The following SLC35F3 variants were observed in gnomAD, a reference collection of about 807,000 sequenced individuals.
SLC35F3 encodes putative thiamine transporter SLC35F3.
SLC35F3 carries 25 observed loss-of-function variants against 49.9 expected under a neutral mutation model. The ratio of observed to expected loss-of-function variants is 0.50; its 90% CI spans 0.37 to 0.70. The LOEUF is 0.70. SLC35F3 is among the 30% of genes least tolerant of loss of function. SLC35F3 has a pLI of 0.00. For missense variants in SLC35F3, 525 were observed against 639.8 expected, an observed-to-expected ratio of 0.82 and a Z score of 1.94; for synonymous variants, 275 against 265.4, an observed-to-expected ratio of 1.04 and a Z score of -0.35.
At chr1:234,130,347 T>TA (rs1310727931) in intron 2 of SLC35F3, among the ~76,000 whole-genome samples, 34 of 152,110 alleles carry the variant, frequency 2.2e-4, no homozygotes, top group Middle Eastern at 3.4e-3. Context: ...TTTTAATTTT[T>TA]AAAAAACTCT....
chr1:234,317,828 G>A (rs976369211), intron 5 of SLC35F3, among the ~76,000 whole-genome samples: 2 of 152,226 alleles, frequency 1.3e-5, no homozygotes, highest in Non-Finnish European at 2.9e-5. Flanking sequence ...TCAAATAGCT[G>A]TGGACTAATG....
At chr1:233,939,561 G>A (rs115102191) in intron 2 of SLC35F3, among the ~76,000 whole-genome samples, 22 of 152,170 alleles carry the variant, frequency 1.4e-4, no homozygotes, top group Non-Finnish European at 2.6e-4. Context: ...GTGTTCCAGA[G>A]AGTTGAGAAG....
chr1:234,196,558 T>C (rs1262479604), intron 2 of SLC35F3, among the ~76,000 whole-genome samples: 1 of 152,230 alleles, frequency 6.6e-6, no homozygotes, highest in Admixed American at 6.5e-5. Context: ...ATCCTTCTTT[T>C]ACTTGTTCAC....
At chr1:234,095,111 A>AT (rs1178821293) in intron 2 of SLC35F3, among the ~76,000 whole-genome samples, 2 of 152,120 alleles carry the variant, frequency 1.3e-5, no homozygotes, top group African/African-American at 4.8e-5. Context: ...GGTTGCTGTC[A>AT]TTTTCTATTA....
intron 3 of SLC35F3, among the ~76,000 whole-genome samples, chr1:234,279,934 C>T (rs1339052796): frequency 6.6e-6 from 1 of 152,172 alleles, no homozygotes; most frequent in African/African-American, 2.4e-5. Context: ...CCTAGACTGG[C>T]AGCATATCAG....
At chr1:233,955,000 C>T (rs188201956) in intron 2 of SLC35F3, among the ~76,000 whole-genome samples, 6 of 152,094 alleles carry the variant, frequency 3.9e-5, no homozygotes, top group East Asian at 3.9e-4. Flanking sequence ...CACACCACCA[C>T]GCCCGGCTAA....
intron 2 of SLC35F3, among the ~76,000 whole-genome samples, chr1:234,123,147 T>TA (rs1286415387): frequency 6.6e-6 from 1 of 152,214 alleles, no homozygotes; most frequent in Non-Finnish European, 1.5e-5. Context: ...CTTGATTTTT[T>TA]AATAATCACC....
chr1:234,321,729 T>G (rs1373203476), intron 7 of SLC35F3, among the ~76,000 whole-genome samples: 1 of 152,176 alleles, frequency 6.6e-6, no homozygotes, highest in Non-Finnish European at 1.5e-5. Flanking sequence ...CAGGCCACTC[T>G]TGATTGGAAG....
At chr1:233,999,752 T>C (rs574855039) in intron 2 of SLC35F3, among the ~76,000 whole-genome samples, 1 of 152,196 alleles carries the variant, frequency 6.6e-6, no homozygotes. Context: ...ATTTTCTGTT[T>C]GTGCTACCTT....
At chr1:234,238,627 A>G (rs1034575040) in intron 3 of SLC35F3, among the ~76,000 whole-genome samples, 2 of 151,670 alleles carry the variant, frequency 1.3e-5, no homozygotes, top group Non-Finnish European at 2.9e-5. Flanking sequence ...CCCCCACCCC[A>G]CCACCACATC....
chr1:234,195,213 A>G (rs1666789282), intron 2 of SLC35F3, among the ~76,000 whole-genome samples: 1 of 152,214 alleles, frequency 6.6e-6, no homozygotes, highest in South Asian at 2.1e-4. Flanking sequence ...GTGCCTACCT[A>G]GGAGCAAGTA....
At chr1:233,997,168 G>A (rs1444198396) in intron 2 of SLC35F3, among the ~76,000 whole-genome samples, 5 of 152,032 alleles carry the variant, frequency 3.3e-5, no homozygotes, top group Admixed American at 2.6e-4. Context: ...GAACACTCGC[G>A]TTGCTTCCAC....
intron 2 of SLC35F3, among the ~76,000 whole-genome samples, chr1:234,136,246 C>A (rs970953541): frequency 2.3e-5 from 3 of 129,716 alleles, no homozygotes; most frequent in African/African-American, 8.5e-5. Flanking sequence ...TCCTCTCTTT[C>A]TCTTTCTTTT....
chr1:234,165,948 G>A (rs951966588), intron 2 of SLC35F3, among the ~76,000 whole-genome samples: 1 of 152,164 alleles, frequency 6.6e-6, no homozygotes, highest in Non-Finnish European at 1.5e-5. Context: ...AGAACATGCG[G>A]TATTTGGTTT....
At chr1:234,014,982 A>C (rs1663779746) in intron 2 of SLC35F3, among the ~76,000 whole-genome samples, 2 of 152,334 alleles carry the variant, frequency 1.3e-5, no homozygotes, top group South Asian at 2.1e-4. Context: ...CAATCCTAAA[A>C]TTAATATAGA....
chr1:234,283,301 T>A (rs1668359035), intron 3 of SLC35F3, among the ~76,000 whole-genome samples: 1 of 152,250 alleles, frequency 6.6e-6, no homozygotes, highest in Non-Finnish European at 1.5e-5. Flanking sequence ...ATTGATTTTT[T>A]AACTACCTTT....
intron 4 of SLC35F3, among the ~76,000 whole-genome samples, chr1:234,312,464 G>T (rs1159473839): frequency 1.3e-5 from 2 of 152,138 alleles, no homozygotes; most frequent in Non-Finnish European, 2.9e-5. Flanking sequence ...TTTCAAAAGG[G>T]GCCATCCATT....
intron 2 of SLC35F3, among the ~76,000 whole-genome samples, chr1:234,151,052 G>A (rs1666068865): frequency 6.6e-6 from 1 of 152,132 alleles, no homozygotes; most frequent in Non-Finnish European, 1.5e-5. Flanking sequence ...CAGAGCCTTC[G>A]AGCCCTATGG....
intron 2 of SLC35F3, among the ~76,000 whole-genome samples, chr1:234,105,005 G>T (rs1052797281): frequency 6.6e-6 from 1 of 151,964 alleles, no homozygotes; most frequent in Admixed American, 6.6e-5. Flanking sequence ...GCGGGCACCT[G>T]TAGTCCCAGC....
Sources: allele counts gnomAD v4.1 joint callset (sites outside exome capture counted in the v4.1 genomes callset), GRCh38; gene constraint gnomAD v4.1.1; transcripts MANE v1.5; gene names NCBI Gene and HGNC (gene_info 2026-07-23, HGNC 2026-07-21).